Variants in LAMA2 observed in about 807,000 individuals in gnomAD.
The protein encoded by LAMA2 is laminin subunit alpha 2.
Under a neutral mutation model 364.8 loss-of-function variants are expected in LAMA2, and 269 were observed. The observed-to-expected ratio is 0.74, with a 90% CI of 0.67 to 0.82. The LOEUF (loss-of-function observed/expected upper bound fraction) is 0.82, where lower values mean the gene tolerates loss of function less well. LAMA2 is among the 40% of genes least tolerant of loss of function. The pLI is 0.00. For synonymous variants in LAMA2, 1,379 were observed against 1,370.6 expected (o/e 1.01, Z -0.14); for missense variants, 3,807 against 3,873.2 (o/e 0.98, Z 0.45).
chr6:128,934,793 G>A (rs1362659397), intron 1 of LAMA2, among the ~76,000 whole-genome samples: 2 of 152,150 alleles, frequency 1.3e-5, no homozygotes, highest in African/African-American at 4.8e-5. Flanking sequence ...ACAGGCATAA[G>A]CCACTACACC....
intron 1 of LAMA2, among the ~76,000 whole-genome samples, chr6:128,903,098 T>G (rs999102698): frequency 6.6e-6 from 1 of 152,080 alleles, no homozygotes; most frequent in Non-Finnish European, 1.5e-5. Context: ...TTATTGTAAT[T>G]TACTTAGTGA....
At chr6:129,146,550 A>T (rs2114963269) in intron 5 of LAMA2, among the ~76,000 whole-genome samples, 1 of 152,116 alleles carries the variant, frequency 6.6e-6, no homozygotes, top group Admixed American at 6.6e-5. Context: ...CAAGTAAAAC[A>T]GTGTGCGTAT....
chr6:129,047,804 A>G (rs1787631074), intron 1 of LAMA2, among the ~76,000 whole-genome samples: 1 of 152,212 alleles, frequency 6.6e-6, no homozygotes, highest in Non-Finnish European at 1.5e-5. Context: ...TAATAATCAA[A>G]TATTATAAAA....
intron 4 of LAMA2, among the ~76,000 whole-genome samples, chr6:129,125,429 G>A (rs1368630087): frequency 3.3e-5 from 5 of 152,186 alleles, no homozygotes; most frequent in Non-Finnish European, 7.3e-5. Flanking sequence ...GTAACAGTCT[G>A]AGAACTGAGC....
intron 1 of LAMA2, among the ~76,000 whole-genome samples, chr6:129,020,102 G>A (rs112140111): frequency 4.1e-3 from 549 of 133,768 alleles, no homozygotes; most frequent in Middle Eastern, 0.012. Context: ...GAAAAAAAAA[G>A]AAAAAAAAAA....
In LAMA2 at chr6:129,417,169, G is replaced by A. The variant is rs188107961; in HGVS notation, c.5866-10583G>A. The stretch of plus-strand genomic sequence containing the variant: ...TAGCTCTCTCATTTCCACCATTTGC[G>A]GGGGGGTCCCAAGTTCTTGTCCCAC... On this transcript the variant is annotated intron_variant, in intron 40 of 64. Coordinates refer to ENST00000421865, the MANE Select transcript of LAMA2 (RefSeq NM_000426.4). Among the ~76,000 whole-genome samples, 36 of 152,084 alleles carry A rather than the reference G, an allele frequency of 2.4e-4. No individual in the cohort carries two copies. In the East Asian group the frequency reaches 3.7e-3, roughly 16 times the overall value.
rs551603128 is a variant in LAMA2, at chr6:128,917,392, TCTTTTA to T, written c.112+34041_112+34046del. Among the ~76,000 whole-genome samples the T allele has an allele frequency of 3.4e-4, 51 of 152,218 alleles. 1 individual carries two copies. The East Asian group carries it at 9.1e-3, about 27-fold the overall frequency. ...GCATTCTCAATTAAAAGTCATTTTA[TCTTTTA>T]CTTTTTCTTTTATTCCTTTTTAAGC... is the stretch of plus-strand genomic sequence containing the variant. On this transcript the variant is annotated intron_variant, in intron 1 of 64. Coordinates refer to ENST00000421865, the MANE Select transcript of LAMA2 (RefSeq NM_000426.4).
At chr6:129,013,233 A>T (rs2114699163) in intron 1 of LAMA2, among the ~76,000 whole-genome samples, 1 of 152,160 alleles carries the variant, frequency 6.6e-6, no homozygotes, top group African/African-American at 2.4e-5. Context: ...CAGGAGATCG[A>T]GACCATCCTG....
At chr6:129,152,103 A>G (rs1778841676) in intron 7 of LAMA2, among the ~76,000 whole-genome samples, 1 of 152,224 alleles carries the variant, frequency 6.6e-6, no homozygotes, top group South Asian at 2.1e-4. Flanking sequence ...CTTACATATC[A>G]ATAAGAAAAA....
intron 12 of LAMA2, among the ~76,000 whole-genome samples, chr6:129,212,404 C>T (rs1783160456): frequency 6.6e-6 from 1 of 152,106 alleles, no homozygotes; most frequent in East Asian, 1.9e-4. Context: ...TAGGATGGAG[C>T]AGATAGGGAG....
At chr6:128,990,802 T>G (rs1183852626) in intron 1 of LAMA2, among the ~76,000 whole-genome samples, 1 of 152,092 alleles carries the variant, frequency 6.6e-6, no homozygotes, top group Admixed American at 6.6e-5. Context: ...AAAAATGTTT[T>G]TAATTGAGCT....
chr6:129,501,804 T>C (rs1385879993), intron 58 of LAMA2, among the ~76,000 whole-genome samples: 1 of 152,298 alleles, frequency 6.6e-6, no homozygotes, highest in East Asian at 1.9e-4. Flanking sequence ...GGAAAGGAAT[T>C]GTGGCTTTGG....
In LAMA2 at chr6:129,227,150, G is replaced by C. The variant is rs140875525; in HGVS notation, c.1783-22962G>C. Among the ~76,000 whole-genome samples the C allele has an allele frequency of 1.7e-3, 262 of 152,214 alleles. 1 individual carries two copies. The highest frequency in any genetic ancestry group is 5.7e-3 in the African/African-American group (237 of 41,534). ...GCTCCTGAGGCTTGTGCATTTGTCA[G>C]GTACTTCTCGTGCCATAGTTTTCAG... On this transcript the variant is annotated intron_variant, in intron 12 of 64. Coordinates refer to ENST00000421865, the MANE Select transcript of LAMA2 (RefSeq NM_000426.4).
intron 61 of LAMA2, 79 bp from the exon 62 acceptor site, chr6:129,507,410 C>T (rs1786180285): frequency 6.9e-7 from 1 of 1,440,922 alleles, no homozygotes. Flanking sequence ...CATAGAGCAC[C>T]CTGCAAATGA....
chr6:129,225,342 G>T (rs1784177648), intron 12 of LAMA2, among the ~76,000 whole-genome samples: 1 of 152,066 alleles, frequency 6.6e-6, no homozygotes, highest in Admixed American at 6.6e-5. Context: ...CTTCAGTTCT[G>T]CTCTGATCTT....
intron 5 of LAMA2, among the ~76,000 whole-genome samples, chr6:129,144,433 T>G (rs545395695): frequency 6.6e-6 from 1 of 152,014 alleles, no homozygotes; most frequent in Non-Finnish European, 1.5e-5. Flanking sequence ...ACTATTATAA[T>G]TGGCTTTGGC....
At chr6:128,883,902 T>G (rs1775995430) in intron 1 of LAMA2, among the ~76,000 whole-genome samples, 1 of 151,380 alleles carries the variant, frequency 6.6e-6, no homozygotes, top group Admixed American at 6.6e-5. Context: ...TCTAAAGAAG[T>G]TATGTGGTTT....
chr6:129,336,072 CTGAT>C (rs1455116350), intron 29 of LAMA2, among the ~76,000 whole-genome samples: 6 of 152,280 alleles, frequency 3.9e-5, no homozygotes, highest in Non-Finnish European at 7.4e-5. Context: ...ATGTAGGAAA[CTGAT>C]TGTCATCTCC....
chr6:129,147,542 A>C (rs888722987), intron 6 of LAMA2, among the ~76,000 whole-genome samples: 2 of 151,950 alleles, frequency 1.3e-5, no homozygotes, highest in East Asian at 3.9e-4. Context: ...GAGAGTACTG[A>C]TAGTGGCAAG....
Sources: allele counts gnomAD v4.1 joint callset (sites outside exome capture counted in the v4.1 genomes callset), GRCh38; gene constraint gnomAD v4.1.1; transcripts MANE v1.5; gene names NCBI Gene and HGNC (gene_info 2026-07-23, HGNC 2026-07-21).